PPP4R3B: variants seen among roughly 807,000 people sequenced by gnomAD.
PPP4R3B encodes the protein serine/threonine-protein phosphatase 4 regulatory subunit 3B.
In PPP4R3B, 52 loss-of-function variants were observed where a neutral mutation model predicts 95.4. The observed-to-expected ratio is 0.54, with a 90% confidence interval of 0.44 to 0.69. PPP4R3B has a LOEUF of 0.69. Among genes scored for constraint, PPP4R3B ranks in the 30% least tolerant of loss-of-function variants. The pLI is 0.00. For missense variants in PPP4R3B, 1,003 were observed against 1,005.9 expected, an observed-to-expected ratio of 1.00 and a Z score of 0.04; for synonymous variants, 407 against 343.9, an observed-to-expected ratio of 1.18 and a Z score of -2.03.
chr2:55,555,405 G>A (rs1350237296), intron 16 of PPP4R3B, among the ~76,000 whole-genome samples: 3 of 151,516 alleles, frequency 2.0e-5, no homozygotes, highest in East Asian at 3.9e-4. Context: ...CACCACTTGA[G>A]TAAAGTTTCC....
intron 12 of PPP4R3B, among the ~76,000 whole-genome samples, chr2:55,570,352 A>G (rs1250676486): frequency 6.6e-6 from 1 of 152,236 alleles, no homozygotes; most frequent in Non-Finnish European, 1.5e-5. Context: ...CTAAATATGC[A>G]CTGTGGCAGA....
intron 15 of PPP4R3B, among the ~76,000 whole-genome samples, chr2:55,561,609 T>C (rs1389997482): frequency 6.6e-6 from 1 of 152,258 alleles, no homozygotes; most frequent in East Asian, 1.9e-4. Flanking sequence ...GGAGCCTACC[T>C]GTTGTATCAG....
intron 8 of PPP4R3B, 135 bp from the exon 9 acceptor site, chr2:55,579,916 AC>A (rs1689216796): frequency 7.2e-6 from 3 of 418,104 alleles, no homozygotes; most frequent in Non-Finnish European, 1.2e-5. Context: ...ATAAGCAGAT[AC>A]TTTAAAATAC....
chr2:55,564,604 G>T, intron 14 of PPP4R3B, 107 bp from the exon 15 acceptor site: 2 of 963,442 alleles, frequency 2.1e-6, no homozygotes, highest in South Asian at 1.9e-5. Context: ...AATTTTAACT[G>T]ACTATAATTT....
chr2:55,606,321 G>A (rs952969535), intron 2 of PPP4R3B, among the ~76,000 whole-genome samples: 14 of 152,124 alleles, frequency 9.2e-5, no homozygotes, highest in East Asian at 1.9e-4. Flanking sequence ...TCATTAGTTA[G>A]TATTAAGACC....
intron 5 of PPP4R3B, among the ~76,000 whole-genome samples, 183 bp from the exon 6 acceptor site, chr2:55,586,917 G>A (rs749053448): frequency 6.6e-6 from 1 of 152,176 alleles, no homozygotes; most frequent in African/African-American, 2.4e-5. Flanking sequence ...AGTAAACCTT[G>A]CATTACTGGG....
At chr2:55,566,656 ATC>A (rs1687330313) in intron 13 of PPP4R3B, among the ~76,000 whole-genome samples, 1 of 152,210 alleles carries the variant, frequency 6.6e-6, no homozygotes, top group Non-Finnish European at 1.5e-5. Context: ...ATCAGCAAAA[ATC>A]TGACTTGTAA....
In PPP4R3B at chr2:55,595,044, T is replaced by C. The variant is rs552544491; in HGVS notation, c.921+3372A>G. ...TTTTAAACTTTTTTTTTTTTTTTTT[T>C]CAGACAGTCTCGCTCTGTCACCCTG... On this transcript the variant is annotated intron_variant, in intron 4 of 16. Coordinates refer to ENST00000616407, the MANE Select transcript of PPP4R3B (RefSeq NM_001122964.3). 8.2e-4 allele frequency among the ~76,000 whole-genome samples: 124 copies of C among 150,564 alleles called. 1 individual carries two copies. The highest frequency in any genetic ancestry group is 2.6e-3 in the African/African-American group (107 of 40,756).
At chr2:55,603,729 A>AT (rs537953735) in intron 3 of PPP4R3B, among the ~76,000 whole-genome samples, 149 of 152,322 alleles carry the variant, frequency 9.8e-4, no homozygotes, top group African/African-American at 3.2e-3. Context: ...CCATTTTACA[A>AT]TATAAGGTAT....
chr2:55,560,547 GACAA>G (rs1217022204), intron 15 of PPP4R3B, among the ~76,000 whole-genome samples: 37 of 152,276 alleles, frequency 2.4e-4, no homozygotes, highest in African/African-American at 8.4e-4. Flanking sequence ...GGGAGGCTGA[GACAA>G]GCGGATCACG....
chr2:55,594,516 T>C (rs1465479524), intron 4 of PPP4R3B, among the ~76,000 whole-genome samples: 1 of 152,102 alleles, frequency 6.6e-6, no homozygotes, highest in African/African-American at 2.4e-5. Context: ...ATAAAATACA[T>C]AAAATGACAA....
intron 4 of PPP4R3B, 91 bp downstream of exon 4, chr2:55,598,325 T>C (rs1415891451): frequency 1.5e-6 from 2 of 1,294,836 alleles, no homozygotes; most frequent in East Asian, 2.5e-5. Context: ...AATAAATCTT[T>C]CAAAAAATAG....
At chr2:55,587,108 C>T (rs1690249193) in intron 5 of PPP4R3B, among the ~76,000 whole-genome samples, 2 of 152,140 alleles carry the variant, frequency 1.3e-5, no homozygotes, top group South Asian at 4.1e-4. Flanking sequence ...TCCAATGGGA[C>T]CTTATAGGTC....
In PPP4R3B at chr2:55,613,390, CA is replaced by C. The variant is rs1315813320; in HGVS notation, c.198+2060del. ...AGCCCAACGAAAAAATAAACTATTA[CA>C]AAACCCCAAATAGTATATTATTTAA... On this transcript the variant is annotated intron_variant, in intron 2 of 16. Coordinates refer to ENST00000616407, the MANE Select transcript of PPP4R3B (RefSeq NM_001122964.3). 2.7e-5 allele frequency among the ~76,000 whole-genome samples: 4 copies of C among 149,666 alleles called. No individual in the cohort carries two copies. The South Asian group carries it at 6.3e-4, about 24-fold the overall frequency.
In PPP4R3B at chr2:55,552,684, T is replaced by A. The variant is rs550984030; in HGVS notation, c.2455-2678A>T. Among the ~76,000 whole-genome samples, 11 of 152,290 alleles carry A rather than the reference T, an allele frequency of 7.2e-5. No individual in the cohort carries two copies. In the South Asian group the frequency reaches 1.0e-3, roughly 14 times the overall value. ...CGAGCCACCATGCTCGGCTTCATCA[T>A]ATACTTTAATTCCTGAATTTCTGGT... On this transcript the variant is annotated intron_variant, in intron 16 of 16. Transcript: ENST00000616407.
intron 2 of PPP4R3B, among the ~76,000 whole-genome samples, chr2:55,606,995 A>G (rs370691740): frequency 2.0e-5 from 3 of 152,164 alleles, no homozygotes; most frequent in African/African-American, 4.8e-5. Context: ...ATTTGTACTT[A>G]TATCATCATC....
chr2:55,610,397 T>C (rs1694002505), intron 2 of PPP4R3B, among the ~76,000 whole-genome samples: 2 of 152,194 alleles, frequency 1.3e-5, no homozygotes, highest in Admixed American at 1.3e-4. Context: ...ACCTGTGTAT[T>C]ATCATATTTG....
chr2:55,589,018 A>G, intron 4 of PPP4R3B, 62 bp from the exon 5 acceptor site: 1 of 994,600 alleles, frequency 1.0e-6, no homozygotes, highest in Non-Finnish European at 1.5e-6. Flanking sequence ...ACTCATTTAT[A>G]TGACTTACAC....
chr2:55,554,176 C>T (rs1685566372), intron 16 of PPP4R3B, among the ~76,000 whole-genome samples: 1 of 152,192 alleles, frequency 6.6e-6, no homozygotes, highest in Admixed American at 6.5e-5. Context: ...GTGATACTCC[C>T]ACCTCAGCCT....
Sources: allele counts gnomAD v4.1 joint callset (sites outside exome capture counted in the v4.1 genomes callset), GRCh38; gene constraint gnomAD v4.1.1; transcripts MANE v1.5; gene names NCBI Gene and HGNC (gene_info 2026-07-23, HGNC 2026-07-21).